The following STOX2 variants were observed in gnomAD, a reference collection of about 807,000 sequenced individuals.
The protein encoded by STOX2 is storkhead-box protein 2.
In STOX2, 28 loss-of-function variants were observed where a neutral mutation model predicts 60.9. The observed-to-expected ratio is 0.46, with a 90% CI of 0.34 to 0.63. The LOEUF (loss-of-function observed/expected upper bound fraction) is 0.63, where lower values mean the gene tolerates loss of function less well. STOX2 is among the 30% of genes least tolerant of loss of function. The pLI is 0.01. For synonymous variants in STOX2, 472 were observed against 463.9 expected (o/e 1.02, Z -0.22); for missense variants, 1,024 against 1,187.7 (o/e 0.86, Z 2.03).
intron 1 of STOX2, among the ~76,000 whole-genome samples, chr4:183,951,109 G>C (rs536876926): frequency 6.6e-6 from 1 of 151,198 alleles, no homozygotes; most frequent in African/African-American, 2.4e-5. Context: ...CCAGCTACTC[G>C]GGAGGCTGAG....
At chr4:183,815,927 AC>A (rs1178120068) in intron 1 of STOX2, among the ~76,000 whole-genome samples, 1 of 152,242 alleles carries the variant, frequency 6.6e-6, no homozygotes, top group African/African-American at 2.4e-5. Context: ...TATTATTGAT[AC>A]TATTGACATG....
intron 1 of STOX2, among the ~76,000 whole-genome samples, chr4:183,799,409 A>T (rs1005493270): frequency 6.6e-6 from 1 of 152,262 alleles, no homozygotes. Flanking sequence ...GGACTGTGAC[A>T]CATTAGGACG....
chr4:183,800,960 A>G (rs1447118062), intron 1 of STOX2, among the ~76,000 whole-genome samples: 1 of 152,214 alleles, frequency 6.6e-6, no homozygotes, highest in Non-Finnish European at 1.5e-5. Context: ...GTGCTGTGGT[A>G]CAGTTGAGGC....
At chr4:183,858,849 C>CT (rs1255094955) in intron 1 of STOX2, among the ~76,000 whole-genome samples, 2 of 152,062 alleles carry the variant, frequency 1.3e-5, no homozygotes, top group South Asian at 2.1e-4. Flanking sequence ...AAATATAATA[C>CT]TTTTTTTTCA....
intron 1 of STOX2, among the ~76,000 whole-genome samples, chr4:183,842,233 G>C (rs17075090): frequency 0.01 from 1,590 of 152,280 alleles, 24 homozygotes; most frequent in African/African-American, 0.037. Flanking sequence ...TGCTTTTTTA[G>C]ATGGAACCTA....
chr4:183,939,681 A>G, intron 1 of STOX2, among the ~76,000 whole-genome samples: 1 of 152,024 alleles, frequency 6.6e-6, no homozygotes, highest in East Asian at 1.9e-4. Flanking sequence ...GGACTGTGGT[A>G]AAATGAGAGT....
At chr4:183,980,177 A>G (rs896375895) in intron 1 of STOX2, among the ~76,000 whole-genome samples, 2 of 152,194 alleles carry the variant, frequency 1.3e-5, no homozygotes. Flanking sequence ...AGCTTTATAA[A>G]CAAAAATGCA....
At chr4:183,949,376 G>T (rs768775411) in intron 1 of STOX2, among the ~76,000 whole-genome samples, 47 of 152,290 alleles carry the variant, frequency 3.1e-4, no homozygotes, top group Non-Finnish European at 6.2e-4. Flanking sequence ...CCTTAAAATA[G>T]TAATAGTTTG....
intron 1 of STOX2, among the ~76,000 whole-genome samples, chr4:183,964,032 C>T (rs149800634): frequency 0.011 from 1,698 of 152,286 alleles, 16 homozygotes; most frequent in Middle Eastern, 0.017. Flanking sequence ...TCCTCGGCCT[C>T]CCAAAGTGCT....
chr4:183,980,125 C>T (rs548299652), intron 1 of STOX2, among the ~76,000 whole-genome samples: 133 of 152,090 alleles, frequency 8.7e-4, no homozygotes, highest in African/African-American at 2.8e-3. Flanking sequence ...GAAATTATGA[C>T]TAGTTTTTAC....
At position 184,019,872 on chromosome 4, in the gene STOX2, G is replaced by T. The variant is rs1386637649; in HGVS notation, c.*2588G>T. The T allele has an allele frequency of 6.6e-6, 1 of 152,206 alleles. No individual in the cohort carries two copies. The highest frequency in any genetic ancestry group is 1.5e-5 in the Non-Finnish European group (1 of 68,034). 9.4% of individuals were successfully genotyped at this position (152,206 alleles called of 1,614,324 possible). ...CGGTGAGGCTCTCGGTCCCGGAACA[G>T]TGGGGGCCTCGCCAGGCGTTGCCAG... is the stretch of plus-strand genomic sequence containing the variant. On this transcript the variant is annotated 3_prime_UTR_variant, in exon 4 of 4. Transcript: ENST00000308497.
At position 184,011,400 on chromosome 4, in the gene STOX2, G is replaced by C. The variant is rs1734168350; in HGVS notation, c.2562G>C (p.Val854=). The change falls in exon 3 of 4, where the codon GTG becomes GTC. Residue 854 remains valine (V), a synonymous_variant. Transcript: ENST00000308497. This position sits in a 1 kb window ranked among gnomAD's most constrained non-coding sequence, Gnocchi z 4.4. ...LDSMDSSSIT[V]DSGFNSPRTR... is the part of the protein sequence containing the mutation. ...GCATGGACAGCAGCAGCATCACAGT[G>C]GACAGTGGATTCAACTCCCCACGGT... is the stretch of plus-strand genomic sequence containing the variant. 1 of 1,612,464 alleles carries C rather than the reference G, an allele frequency of 6.2e-7. No homozygotes were observed. Among genetic ancestry groups the C allele is most frequent in the Admixed American group, 1.7e-5 (1 of 59,794 alleles).
intron 1 of STOX2, among the ~76,000 whole-genome samples, chr4:183,955,318 C>T (rs535554126): frequency 1.8e-4 from 28 of 152,334 alleles, no homozygotes; most frequent in African/African-American, 6.5e-4. Flanking sequence ...ACTTTCCTTA[C>T]ACAGCCATTC....
intron 1 of STOX2, among the ~76,000 whole-genome samples, chr4:183,915,813 C>G (rs934896089): frequency 7.9e-5 from 12 of 152,182 alleles, no homozygotes; most frequent in African/African-American, 2.4e-4. Flanking sequence ...CTCAGGGTCC[C>G]GGAAGGAAAC....
At chr4:183,877,267 C>G (rs1740850884) in intron 1 of STOX2, among the ~76,000 whole-genome samples, 1 of 152,216 alleles carries the variant, frequency 6.6e-6, no homozygotes. Context: ...TGGGGACCAG[C>G]ACGTCAGCAT....
chr4:183,962,263 A>G (rs1743434554), intron 1 of STOX2, among the ~76,000 whole-genome samples: 1 of 152,196 alleles, frequency 6.6e-6, no homozygotes, highest in African/African-American at 2.4e-5. Context: ...TAAAATGTAG[A>G]AATCACATTT....
At chr4:183,842,920 C>T (rs574614303) in intron 1 of STOX2, among the ~76,000 whole-genome samples, 9 of 151,632 alleles carry the variant, frequency 5.9e-5, no homozygotes, top group East Asian at 5.8e-4. Flanking sequence ...GAGGCCAAGG[C>T]GGGTGGATCA....
At chr4:183,888,600 T>C (rs907664631) in intron 1 of STOX2, among the ~76,000 whole-genome samples, 3 of 152,186 alleles carry the variant, frequency 2.0e-5, no homozygotes, top group Admixed American at 6.5e-5. Context: ...CACCGCCTAA[T>C]TGGGACCTGG....
intron 1 of STOX2, among the ~76,000 whole-genome samples, chr4:183,986,025 A>G (rs1413529229): frequency 1.3e-5 from 2 of 152,122 alleles, no homozygotes; most frequent in Non-Finnish European, 2.9e-5. Flanking sequence ...GCTGGGCCCT[A>G]GGCTCAGTCT....
Sources: gnomAD v4.1 joint callset for allele counts (sites outside exome capture counted in the v4.1 genomes callset) on GRCh38, gnomAD v4.1.1 for gene constraint, Gnocchi (gnomAD v3.1) non-coding constraint, MANE v1.5 for transcripts, NCBI Gene and HGNC (gene_info 2026-07-23, HGNC 2026-07-21) for gene names.